The following GLYATL2 variants were observed in gnomAD, a reference collection of about 807,000 sequenced individuals.
GLYATL2 encodes glycine-N-acyltransferase like 2, also known as glycine N-acyltransferase-like protein 2.
Under a neutral mutation model 21.4 loss-of-function variants are expected in GLYATL2, and 25 were observed. That is an observed-to-expected ratio of 1.17 (90% CI 0.85 to 1.63). The LOEUF is 1.63. GLYATL2 is among the 40% of genes most tolerant of loss of function. The probability of loss-of-function intolerance (pLI) is 0.00; values close to 1 mark genes in which losing one functional copy is unlikely to be tolerated. For synonymous variants in GLYATL2, 114 were observed against 118.2 expected (o/e 0.96, Z 0.23); for missense variants, 361 against 343.3 (o/e 1.05, Z -0.41).
chr11:58,900,491 C>A (rs539411408), intron 1 of GLYATL2, among the ~76,000 whole-genome samples: 88 of 152,304 alleles, frequency 5.8e-4, no homozygotes, highest in African/African-American at 1.8e-3. Flanking sequence ...TACTCCCGCC[C>A]GGCAGCTCCC....
At chr11:58,875,687 G>T (rs1434547442) in intron 1 of GLYATL2, among the ~76,000 whole-genome samples, 1 of 152,186 alleles carries the variant, frequency 6.6e-6, no homozygotes, top group Non-Finnish European at 1.5e-5. Flanking sequence ...TTCCCTTTGT[G>T]TGTAACCTGA....
chr11:58,892,288 A>C, intron 1 of GLYATL2: 1 of 160,378 alleles, frequency 6.2e-6, no homozygotes, highest in Middle Eastern at 7.4e-4. Context: ...AAAAATCACA[A>C]GAAGTTTTGA....
intron 1 of GLYATL2, among the ~76,000 whole-genome samples, chr11:58,867,401 A>G (rs953519363): frequency 3.4e-5 from 5 of 148,782 alleles, no homozygotes; most frequent in Admixed American, 6.9e-5. Context: ...TTTCTGTACC[A>G]TTGGGTGATA....
intron 1 of GLYATL2, among the ~76,000 whole-genome samples, chr11:58,877,002 C>T (rs1339801029): frequency 6.6e-6 from 1 of 152,240 alleles, no homozygotes; most frequent in African/African-American, 2.4e-5. Context: ...GCGCCCCTCC[C>T]CCAGCCTTGC....
rs184245593 is a variant in GLYATL2 at position 58,871,371 on chromosome 11, T to C, written n.60+32785A>G. The stretch of plus-strand genomic sequence containing the variant: ...CATATGTATACATGTGCCATGTTGG[T>C]GTGCTGCACCCATTAACTCATCATT... On this transcript the variant is annotated intron_variant and non_coding_transcript_variant, in intron 1 of 4. Transcript: ENST00000533636. Among the ~76,000 whole-genome samples the C allele has an allele frequency of 3.5e-3, 533 of 152,128 alleles. 1 individual carries two copies. Among genetic ancestry groups the C allele is most frequent in the African/African-American group, 0.012 (514 of 41,480 alleles).
chr11:58,880,681 T>C (rs1269555380), intron 1 of GLYATL2, among the ~76,000 whole-genome samples: 1 of 152,222 alleles, frequency 6.6e-6, no homozygotes, highest in Non-Finnish European at 1.5e-5. Context: ...TTGTTTGTTT[T>C]ACAACTACAA....
upstream of GLYATL2, among the ~76,000 whole-genome samples, chr11:58,847,243 T>C (rs1853660003): frequency 6.6e-6 from 1 of 152,144 alleles, no homozygotes; most frequent in African/African-American, 2.4e-5. Flanking sequence ...GGATAGCAGG[T>C]TTCAGGTGAG....
Position 58,870,266 on chromosome 11 carries a change from T to C in GLYATL2, n.61-31898A>G, listed in dbSNP as rs190758203. 4.7e-3 allele frequency among the ~76,000 whole-genome samples: 713 copies of C among 152,170 alleles called. 6 individuals carry two copies. The highest frequency in any genetic ancestry group is 0.016 in the African/African-American group (677 of 41,524). ...AGAAGGTAATAGAGTTTTCTATAGG[T>C]CTAATGATAAAACAGAATGCATGCA... On this transcript the variant is annotated intron_variant and non_coding_transcript_variant, in intron 1 of 4. Transcript: ENST00000533636.
intron 1 of GLYATL2, among the ~76,000 whole-genome samples, chr11:58,859,872 C>T (rs544975493): frequency 1.3e-5 from 2 of 152,232 alleles, no homozygotes; most frequent in Non-Finnish European, 2.9e-5. Context: ...ATTAAAGAGA[C>T]TGTTCACTCC....
At chr11:58,865,736 G>GCTT (rs5792133) in intron 1 of GLYATL2, among the ~76,000 whole-genome samples, 130,001 of 148,192 alleles carry the variant, frequency 0.88, 58,975 homozygotes, top group Non-Finnish European at 0.98. Flanking sequence ...AAGGAAGAAG[G>GCTT]CAGGTGTCTT....
intron 1 of GLYATL2, among the ~76,000 whole-genome samples, chr11:58,862,942 G>T (rs2134596062): frequency 6.6e-6 from 1 of 152,188 alleles, no homozygotes; most frequent in Middle Eastern, 3.4e-3. Flanking sequence ...TTGTATACTG[G>T]CTTTATCTGG....
At chr11:58,859,236 A>T (rs1853888038) in intron 1 of GLYATL2, among the ~76,000 whole-genome samples, 1 of 152,162 alleles carries the variant, frequency 6.6e-6, no homozygotes, top group South Asian at 2.1e-4. Context: ...TCCTAGCTAC[A>T]GCCTCCTATT....
chr11:58,906,838 G>A (rs1391780598), upstream of GLYATL2, among the ~76,000 whole-genome samples: 1 of 152,172 alleles, frequency 6.6e-6, no homozygotes, highest in African/African-American at 2.4e-5. Context: ...TGGCCACATA[G>A]ACGGTTGTTT....
chr11:58,904,862 T>G (rs971499210), upstream of GLYATL2, among the ~76,000 whole-genome samples: 1 of 152,212 alleles, frequency 6.6e-6, no homozygotes, highest in African/African-American at 2.4e-5. Context: ...CAAAATAATT[T>G]TCACCATCAT....
At chr11:58,853,633 C>T (rs1219859391) in intron 1 of GLYATL2, among the ~76,000 whole-genome samples, 1 of 152,106 alleles carries the variant, frequency 6.6e-6, no homozygotes, top group Non-Finnish European at 1.5e-5. Context: ...GACTCTGAAA[C>T]AAATCTATGT....
At chr11:58,883,040 T>G (rs1854368949) in intron 1 of GLYATL2, among the ~76,000 whole-genome samples, 1 of 152,206 alleles carries the variant, frequency 6.6e-6, no homozygotes, top group African/African-American at 2.4e-5. Context: ...GCAATGCAGG[T>G]TCTTTTTTGA....
intron 1 of GLYATL2, among the ~76,000 whole-genome samples, chr11:58,876,460 G>T (rs1854235010): frequency 6.6e-6 from 1 of 152,148 alleles, no homozygotes; most frequent in African/African-American, 2.4e-5. Context: ...CATACAGATG[G>T]GTTTTTGGTG....
chr11:58,874,015 G>C (rs559425586), intron 1 of GLYATL2, among the ~76,000 whole-genome samples: 40 of 152,266 alleles, frequency 2.6e-4, no homozygotes, highest in African/African-American at 9.4e-4. Flanking sequence ...TTAGTCTTGG[G>C]AGAGTGTATG....
chr11:58,894,476 C>CAAAAAAAAAAAAAAAAAAA, intron 1 of GLYATL2, among the ~76,000 whole-genome samples: 1 of 116,548 alleles, frequency 8.6e-6, no homozygotes, highest in Non-Finnish European at 1.7e-5. Flanking sequence ...GCAGCTATAG[C>CAAAAAAAAAAAAAAAAAAA]AAAAAAAAAA....
Sources: gnomAD v4.1 joint callset for allele counts (sites outside exome capture counted in the v4.1 genomes callset) on GRCh38, gnomAD v4.1.1 for gene constraint, MANE v1.5 for transcripts, NCBI Gene and HGNC (gene_info 2026-07-23, HGNC 2026-07-21) for gene names.